RNF220: variants seen among roughly 807,000 people sequenced by gnomAD.
RNF220 encodes ring finger protein 220, also known as E3 ubiquitin-protein ligase RNF220.
In RNF220, 7 loss-of-function variants were observed where a neutral mutation model predicts 67.1. The observed-to-expected ratio is 0.10, with a 90% CI of 0.06 to 0.20. The LOEUF is 0.20. RNF220 is among the 10% of genes least tolerant of loss of function. The pLI, the probability that RNF220 is intolerant of heterozygous loss-of-function variation, is 1.00. For missense variants in RNF220, 565 were observed against 740.3 expected, an observed-to-expected ratio of 0.76 and a Z score of 2.75; for synonymous variants, 270 against 283.2, an observed-to-expected ratio of 0.95 and a Z score of 0.47.
chr1:44,557,442 G>A (rs1663203407), intron 2 of RNF220, among the ~76,000 whole-genome samples: 1 of 151,130 alleles, frequency 6.6e-6, no homozygotes, highest in Non-Finnish European at 1.5e-5. Context: ...GAGAGAGGGA[G>A]GGAAAGAAGG....
At chr1:44,448,606 G>A (rs945529446) in intron 2 of RNF220, among the ~76,000 whole-genome samples, 2 of 152,228 alleles carry the variant, frequency 1.3e-5, no homozygotes, top group Non-Finnish European at 1.5e-5. Context: ...TAACAGAAAT[G>A]AAGACTGTCT....
intron 2 of RNF220, among the ~76,000 whole-genome samples, chr1:44,444,432 CCTTTCTTTT>C (rs1286024358): frequency 6.6e-6 from 1 of 151,562 alleles, no homozygotes; most frequent in East Asian, 1.9e-4. Context: ...GCCCTAATTT[CCTTTCTTTT>C]CTTTCTTTCT....
At chr1:44,558,895 G>A (rs270763) in intron 2 of RNF220, among the ~76,000 whole-genome samples, 151,515 of 152,352 alleles carry the variant, frequency 0.99, 75,344 homozygotes, top group Middle Eastern at 1. Context: ...CTTAAAGTTC[G>A]TTTCCTAAGG....
At chr1:44,538,682 G>A (rs186888019) in intron 2 of RNF220, among the ~76,000 whole-genome samples, 7 of 152,142 alleles carry the variant, frequency 4.6e-5, no homozygotes, top group Admixed American at 3.3e-4. Context: ...TTGGGAGGCC[G>A]ACACAGGTGG....
intron 2 of RNF220, among the ~76,000 whole-genome samples, chr1:44,582,422 CAG>C (rs1180333886): frequency 3.3e-5 from 5 of 152,168 alleles, no homozygotes; most frequent in African/African-American, 7.2e-5. Flanking sequence ...CAGGAAGAAA[CAG>C]GGGACTGAGG....
chr1:44,410,485 G>A (rs889845506), intron 1 of RNF220: 1 of 152,220 alleles, frequency 6.6e-6, no homozygotes, highest in Admixed American at 6.5e-5. Flanking sequence ...TGGTAATTTA[G>A]CAATGATGTC....
chr1:44,557,448 G>A (rs1310479018), intron 2 of RNF220, among the ~76,000 whole-genome samples: 1 of 150,718 alleles, frequency 6.6e-6, no homozygotes, highest in South Asian at 2.1e-4. Flanking sequence ...GGGAGGGAAA[G>A]AAGGAAGGAA....
chr1:44,649,430 C>G lies in RNF220; in HGVS notation c.1446-231C>G, dbSNP rs1644732178. The G allele has an allele frequency of 1.7e-6, 1 of 575,806 alleles. No individual in the cohort carries two copies. Among genetic ancestry groups the G allele is most frequent in the Non-Finnish European group, 3.1e-6 (1 of 322,516 alleles). The allele number at this position is 575,806 out of a possible 1,614,324, so 35.7% of individuals were successfully genotyped here. On this transcript the variant is annotated intron_variant, in intron 12 of 14. Coordinates refer to ENST00000361799, the MANE Select transcript of RNF220 (RefSeq NM_018150.4). This position sits in a 1 kb window ranked among gnomAD's most constrained non-coding sequence, Gnocchi z 5.9. ...TGCGAAGGAGTGGTTGAAAATGGTT[C>G]CCTGGTATCTGGTGTAGAAATTCAT...
intron 2 of RNF220, among the ~76,000 whole-genome samples, chr1:44,441,537 G>A (rs774069859): frequency 1.9e-4 from 29 of 152,212 alleles, no homozygotes; most frequent in Non-Finnish European, 3.7e-4. Flanking sequence ...GGAGGAGGAT[G>A]AGCCTTGGAG....
intron 2 of RNF220, among the ~76,000 whole-genome samples, chr1:44,470,679 C>T (rs1426781212): frequency 1.3e-5 from 2 of 152,292 alleles, no homozygotes; most frequent in South Asian, 4.1e-4. Context: ...ACTGTCCAGT[C>T]CCATGTCCAC....
At chr1:44,542,271 T>C (rs959063057) in intron 2 of RNF220, among the ~76,000 whole-genome samples, 2 of 152,204 alleles carry the variant, frequency 1.3e-5, no homozygotes, top group African/African-American at 4.8e-5. Flanking sequence ...ACAAGAAACC[T>C]CAGTGGGCAG....
intron 2 of RNF220, among the ~76,000 whole-genome samples, chr1:44,462,531 A>G (rs753895423): frequency 6.1e-4 from 93 of 152,236 alleles, no homozygotes; most frequent in Non-Finnish European, 6.9e-4. Flanking sequence ...GGTTTCCCCA[A>G]ATTTCACATT....
intron 2 of RNF220, among the ~76,000 whole-genome samples, chr1:44,547,159 T>C (rs1198105117): frequency 5.3e-5 from 8 of 152,316 alleles, no homozygotes; most frequent in South Asian, 2.1e-4. Context: ...AGAGCTGAAG[T>C]GAAGATGTCT....
chr1:44,591,543 C>A (rs1427384626), intron 2 of RNF220, among the ~76,000 whole-genome samples: 3 of 152,260 alleles, frequency 2.0e-5, no homozygotes, highest in Non-Finnish European at 2.9e-5. Flanking sequence ...AAGGATCCAA[C>A]TGCCTTGTGC....
rs1643791990 is a variant in RNF220, at chr1:44,621,451, G to A, written c.759-1291G>A. On this transcript the variant is annotated intron_variant, in intron 3 of 14. Transcript: ENST00000361799. The surrounding 1 kb of genome is among the most constrained non-coding windows in gnomAD (Gnocchi z 4.8). ...TGAGGGGCTGTCTGGTACACTGTAG[G>A]CTGTTTAACATCCTCTACCTACTCC... 6.6e-6 allele frequency among the ~76,000 whole-genome samples: 1 copy of A among 152,134 alleles called. No individual in the cohort carries two copies. Among genetic ancestry groups the A allele is most frequent in the Non-Finnish European group, 1.5e-5 (1 of 68,024 alleles).
At chr1:44,619,138 G>C (rs779983609) in intron 3 of RNF220, among the ~76,000 whole-genome samples, 26 of 152,232 alleles carry the variant, frequency 1.7e-4, no homozygotes, top group Non-Finnish European at 3.4e-4. Flanking sequence ...CCTCAGGCAG[G>C]AGTTTCCATC....
At chr1:44,566,667 T>G (rs939388327) in intron 2 of RNF220, among the ~76,000 whole-genome samples, 6 of 152,124 alleles carry the variant, frequency 3.9e-5, no homozygotes, top group African/African-American at 1.2e-4. Flanking sequence ...GGGCCAGCTG[T>G]TAGACAGTAG....
chr1:44,540,736 A>G (rs1426051925), intron 2 of RNF220, among the ~76,000 whole-genome samples: 1 of 152,050 alleles, frequency 6.6e-6, no homozygotes, highest in Non-Finnish European at 1.5e-5. Flanking sequence ...AATGCCTGCT[A>G]TTCAGGCCAG....
In RNF220 at chr1:44,651,043, A is replaced by G; in HGVS notation, c.*268A>G. On this transcript the variant is annotated 3_prime_UTR_variant, in exon 15 of 15. Coordinates refer to ENST00000361799, the MANE Select transcript of RNF220 (RefSeq NM_018150.4). The stretch of plus-strand genomic sequence containing the variant: ...GCTCTGTTCCCAGGGTGGGGCAGGG[A>G]GGTGGGGGTTGGGGGAGTAGTGGGG... 1.1e-5 allele frequency: 4 copies of G among 360,324 alleles called. No individual in the cohort carries two copies. The highest frequency in any genetic ancestry group is 8.5e-5 in the South Asian group (4 of 46,884). 22.3% of individuals were successfully genotyped at this position (360,324 alleles called of 1,614,324 possible).
Sources: gnomAD v4.1 joint callset for allele counts (sites outside exome capture counted in the v4.1 genomes callset) on GRCh38, gnomAD v4.1.1 for gene constraint, Gnocchi (gnomAD v3.1) non-coding constraint, MANE v1.5 for transcripts, NCBI Gene and HGNC (gene_info 2026-07-23, HGNC 2026-07-21) for gene names.